The following S100A14 variants were observed in gnomAD, a reference collection of about 807,000 sequenced individuals.
S100A14 encodes the protein protein S100-A14.
S100A14 carries 6 observed loss-of-function variants against 10.6 expected under a neutral mutation model. That is an observed-to-expected ratio of 0.57 (90% CI 0.31 to 1.12). The LOEUF (loss-of-function observed/expected upper bound fraction) is 1.12. S100A14 is among the 50% of genes most tolerant of loss of function. The pLI, the probability that S100A14 is intolerant of heterozygous loss-of-function variation, is 0.06. For missense variants in S100A14, 121 were observed against 128.7 expected, an observed-to-expected ratio of 0.94 and a Z score of 0.29; for synonymous variants, 51 against 51.0, an observed-to-expected ratio of 1.00 and a Z score of 0.00.
Position 153,615,951 on chromosome 1 carries a change from GGGT to G in S100A14, c.-78-18_-78-16del. ...TGGCTCATGATCTGCTTAGAGGAGG[GGGT>G]AGGCCTGAGCTGAGGAGAGAGTCTA... is the stretch of plus-strand genomic sequence containing the variant. On this transcript the variant is annotated splice_polypyrimidine_tract_variant and intron_variant, in intron 1 of 3. Coordinates refer to ENST00000344616, the MANE Select transcript of S100A14 (RefSeq NM_020672.3). 1 of 1,276,636 alleles carries G rather than the reference GGGT, an allele frequency of 7.8e-7. No homozygotes were observed. Among genetic ancestry groups the G allele is most frequent in the South Asian group, 1.2e-5 (1 of 83,422 alleles). The allele number at this position is 1,276,636 out of a possible 1,614,324, so 79.1% of individuals were successfully genotyped here.
chr1:153,615,303 C>T lies in S100A14; in HGVS notation c.109G>A (p.Gly37Arg). 1 of 1,613,986 alleles carries T rather than the reference C, an allele frequency of 6.2e-7. No individual in the cohort carries two copies. The highest frequency in any genetic ancestry group is 8.5e-7 in the Non-Finnish European group (1 of 1,179,978). ...TCAGAAGGGGTCAGCGTCTCCTTCCCACCCTCCACGGAGTACTGGTGAAAG... is the reference window on the plus strand; with the variant it reads ...TCAGAAGGGGTCAGCGTCTCCTTCCTACCCTCCACGGAGTACTGGTGAAAG... ...KNFHQYSVEGGKETLTPSELR... is the reference protein window; with the variant it reads ...KNFHQYSVEGRKETLTPSELR... The change falls in exon 3 of 4, where the codon GGG (glycine) becomes AGG (arginine). Residue 37 changes from glycine (G) to arginine (R), a missense_variant. By Grantham distance (125) the Gly-to-Arg change is moderately radical. Coordinates refer to ENST00000344616, the MANE Select transcript of S100A14 (RefSeq NM_020672.3).
In S100A14 at chr1:153,615,352, C is replaced by T. The variant is rs1480439934; in HGVS notation, c.60G>A (p.Arg20=). Residue 20 remains arginine (R), a synonymous_variant, in exon 3 of 4, where the codon AGG becomes AGA. Transcript: ENST00000344616. ...EDAQEFSDVE[R]AIETLIKNFH... ...AGTTCTTGATGAGGGTCTCAATGGC[C>T]CTCTCCACATCACTGAATTCCTGAG... The T allele has an allele frequency of 1.9e-6, 3 of 1,613,816 alleles. No homozygotes were observed. The highest frequency in any genetic ancestry group is 2.5e-6 in the Non-Finnish European group (3 of 1,179,946).
In S100A14 at chr1:153,614,908, C is replaced by G; in HGVS notation, c.292G>C (p.Glu98Gln). 6.2e-7 allele frequency: 1 copy of G among 1,613,946 alleles called. No homozygotes were observed. Among genetic ancestry groups the G allele is most frequent in the Non-Finnish European group, 8.5e-7 (1 of 1,179,962 alleles). ...IGEAAKSVKL[E>Q]RPVRGH ...TCTCAGTGCCCCCGGACAGGCCTCTCCAGCTTCACACTCTTGGCCGCTTCT... is the reference window on the plus strand; with the variant it reads ...TCTCAGTGCCCCCGGACAGGCCTCTGCAGCTTCACACTCTTGGCCGCTTCT... Residue 98 changes from glutamate to glutamine, a missense_variant, in exon 4 of 4, where the codon GAG becomes CAG. Glu to Gln is a conservative substitution (Grantham distance 29). Coordinates refer to ENST00000344616, the MANE Select transcript of S100A14 (RefSeq NM_020672.3).
intron 1 of S100A14, 134 bp from the exon 2 acceptor site, chr1:153,616,070 C>G: frequency 2.0e-6 from 1 of 509,964 alleles, no homozygotes; most frequent in South Asian, 2.9e-5. Context: ...AGGCCCAGGC[C>G]CCGCCTGGGC....
Position 153,615,339 on chromosome 1 carries a change from G to A in S100A14, c.73C>T (p.Leu25Phe), listed in dbSNP as rs1666939460. 12 of 1,613,900 alleles carry A rather than the reference G, an allele frequency of 7.4e-6. No homozygotes were observed. Among genetic ancestry groups the A allele is most frequent in the Non-Finnish European group, 1.0e-5 (12 of 1,179,964 alleles). Residue 25 changes from leucine to phenylalanine, a missense_variant, in exon 3 of 4, where the codon CTC (leucine) becomes TTC (phenylalanine). Leu to Phe is a conservative substitution (Grantham distance 22). Transcript: ENST00000344616. Reference protein sequence around the residue: ...FSDVERAIETLIKNFHQYSVE... With the variant: ...FSDVERAIETFIKNFHQYSVE... ...GAGTACTGGTGAAAGTTCTTGATGA[G>A]GGTCTCAATGGCCCTCTCCACATCA...
rs115973630 is a variant in S100A14 at position 153,615,128 on chromosome 1, G to C, written c.178-106C>G. The stretch of plus-strand genomic sequence containing the variant: ...CAGGAGCAGAGGCTACCTAGCACTG[G>C]CAAGGGGGAAGAGCTGGGGGTTGCA... On this transcript the variant is annotated intron_variant, in intron 3 of 3. Transcript: ENST00000344616. 336 of 1,583,222 alleles carry C rather than the reference G, an allele frequency of 2.1e-4. 2 individuals carry two copies. In the African/African-American group the frequency reaches 3.9e-3, roughly 19 times the overall value.
Position 153,615,889 on chromosome 1 carries a change from A to G in S100A14, c.-31T>C, listed in dbSNP as rs1046742010. 8 of 1,612,902 alleles carry G rather than the reference A, an allele frequency of 5.0e-6. No homozygotes were observed. In the Admixed American group the frequency reaches 1.3e-4, roughly 27 times the overall value. ...CCACTGTGTCTGGTCCTTTGGTGAGAGTTCTGTTGTCCTATAGCTGGCCCC... is the reference window on the plus strand; with the variant it reads ...CCACTGTGTCTGGTCCTTTGGTGAGGGTTCTGTTGTCCTATAGCTGGCCCC... On this transcript the variant is annotated 5_prime_UTR_variant, in exon 2 of 4. Coordinates refer to ENST00000344616, the MANE Select transcript of S100A14 (RefSeq NM_020672.3).
intron 1 of S100A14, 61 bp from the exon 2 acceptor site, chr1:153,615,997 G>A: frequency 2.6e-6 from 2 of 772,522 alleles, no homozygotes; most frequent in Non-Finnish European, 2.2e-6. Flanking sequence ...TTTCTCAGCT[G>A]CCCCCTTTGG....
At position 153,614,406 on chromosome 1, in the gene S100A14, C is replaced by T. The variant is rs1428999767; in HGVS notation, c.*479G>A. 6.4e-6 allele frequency: 1 copy of T among 155,828 alleles called. No homozygotes were observed. The highest frequency in any genetic ancestry group is 2.4e-5 in the African/African-American group (1 of 41,464). 9.7% of individuals were successfully genotyped at this position (155,828 alleles called of 1,614,324 possible). ...GCTCTCCCTCCTCCCCTGCCCTAGC[C>T]CAGGGACAGAGTCTAGGAGGAGCCT... On this transcript the variant is annotated 3_prime_UTR_variant, in exon 4 of 4. Coordinates refer to ENST00000344616, the MANE Select transcript of S100A14 (RefSeq NM_020672.3).
chr1:153,616,202 A>C, intron 1 of S100A14, 93 bp downstream of exon 1: 1 of 252,404 alleles, frequency 4.0e-6, no homozygotes, highest in South Asian at 7.8e-5. Context: ...CACACACACC[A>C]ACCTCCAGGA....
Position 153,614,891 on chromosome 1 carries a change from C to A in S100A14, c.309G>T (p.Gly103=), listed in dbSNP as rs375997647. 6 of 1,613,192 alleles carry A rather than the reference C, an allele frequency of 3.7e-6. No individual in the cohort carries two copies. The highest frequency in any genetic ancestry group is 2.7e-5 in the African/African-American group (2 of 74,860). ...AGAATTCCAGAGGGAGTTCTCAGTGCCCCCGGACAGGCCTCTCCAGCTTCA... is the reference window on the plus strand; with the variant it reads ...AGAATTCCAGAGGGAGTTCTCAGTGACCCCGGACAGGCCTCTCCAGCTTCA... ...KSVKLERPVR[G]H is the part of the protein sequence containing the mutation. Residue 103 remains glycine (G), a synonymous_variant, in exon 4 of 4, where the codon GGG becomes GGT. Coordinates refer to ENST00000344616, the MANE Select transcript of S100A14 (RefSeq NM_020672.3).
rs1160772459 is a variant in S100A14 at position 153,614,302 on chromosome 1, C to G, written c.*583G>C. 2 of 152,228 alleles carry G rather than the reference C, an allele frequency of 1.3e-5. No individual in the cohort carries two copies. Among genetic ancestry groups the G allele is most frequent in the African/African-American group, 2.4e-5 (1 of 41,386 alleles). 9.4% of individuals were successfully genotyped at this position (152,228 alleles called of 1,614,324 possible). A position where few individuals can be genotyped will look rare whatever the true frequency, so the allele number is the denominator to read the frequency against. The stretch of plus-strand genomic sequence containing the variant: ...TATTAATCAAATGATACAAAACAAC[C>G]ATCATTCTGTCAATGCCCAAGCACC... On this transcript the variant is annotated 3_prime_UTR_variant, in exon 4 of 4. Coordinates refer to ENST00000344616, the MANE Select transcript of S100A14 (RefSeq NM_020672.3).
intron 2 of S100A14, 53 bp downstream of exon 2, chr1:153,615,776 A>C: frequency 1.9e-5 from 30 of 1,595,368 alleles, no homozygotes; most frequent in Non-Finnish European, 2.5e-5. Flanking sequence ...ATAGACCCTC[A>C]GGGTGAAGGA....
At position 153,615,028 on chromosome 1, in the gene S100A14, G is replaced by C. The variant is rs1488063195; in HGVS notation, c.178-6C>G. ...TCTTCCAGGCCACAGTTGCTCTGAG[G>C]GGAGTGAAGAAACCATGGCTCAGGG... On this transcript the variant is annotated splice_region_variant and splice_polypyrimidine_tract_variant and intron_variant, in intron 3 of 3. Transcript: ENST00000344616. The C allele has an allele frequency of 2.5e-6, 4 of 1,613,318 alleles. No homozygotes were observed. Among genetic ancestry groups the C allele is most frequent in the Non-Finnish European group, 3.4e-6 (4 of 1,179,654 alleles).
At chr1:153,615,531 C>T (rs1557916875) in intron 2 of S100A14, 150 bp from the exon 3 acceptor site, 1 of 969,228 alleles carries the variant, frequency 1.0e-6, no homozygotes. Flanking sequence ...TAGCCCCTCT[C>T]CCCCACCCCC....
chr1:153,615,319 CTGG>C lies in S100A14; in HGVS notation c.90_92del (p.His30del), dbSNP rs547257637. On this transcript the variant is annotated inframe_deletion, in exon 3 of 4. Transcript: ENST00000344616. ...TCTCCTTCCCACCCTCCACGGAGTA[CTGG>C]TGAAAGTTCTTGATGAGGGTCTCAA... 1.6e-4 allele frequency: 255 copies of C among 1,614,002 alleles called. 3 individuals are homozygous for C. In the East Asian group the frequency reaches 5.0e-3, roughly 32 times the overall value.
intron 3 of S100A14, 73 bp downstream of exon 3, chr1:153,615,162 T>G (rs1471558279): frequency 1.3e-6 from 2 of 1,593,926 alleles, no homozygotes; most frequent in Non-Finnish European, 1.7e-6. Context: ...CAAGTGCCAG[T>G]GTGGGTGGGG....
rs1424530504 is a variant in S100A14, at chr1:153,614,668, C to T, written c.*217G>A. 1.1e-5 allele frequency: 6 copies of T among 522,916 alleles called. No individual in the cohort carries two copies. The highest frequency in any genetic ancestry group is 3.8e-5 in the African/African-American group (2 of 52,638). 32.4% of individuals were successfully genotyped at this position (522,916 alleles called of 1,614,324 possible). The stretch of plus-strand genomic sequence containing the variant: ...CCTCAAATATTCATCCCTGGCCCAA[C>T]CAGTCCCCTGAGCCTCCCTCTGGTG... On this transcript the variant is annotated 3_prime_UTR_variant, in exon 4 of 4. Transcript: ENST00000344616.
rs1037832580 is a variant in S100A14 at position 153,614,719 on chromosome 1, C to T, written c.*166G>A. Reference sequence around the variant, plus strand: ...GAGACTCCTCCACCCATGAGCTCCCCAGAGCATCCAAGACAGAGTGCACAG... The same window carrying T: ...GAGACTCCTCCACCCATGAGCTCCCTAGAGCATCCAAGACAGAGTGCACAG... On this transcript the variant is annotated 3_prime_UTR_variant, in exon 4 of 4. Coordinates refer to ENST00000344616, the MANE Select transcript of S100A14 (RefSeq NM_020672.3). The T allele has an allele frequency of 1.2e-6, 1 of 821,314 alleles. No homozygotes were observed. Among genetic ancestry groups the T allele is most frequent in the Non-Finnish European group, 1.8e-6 (1 of 544,304 alleles). The allele number at this position is 821,314 out of a possible 1,614,324, so 50.9% of individuals were successfully genotyped here. A position where few individuals can be genotyped will look rare whatever the true frequency, so the allele number is the denominator to read the frequency against.
Sources: allele counts gnomAD v4.1 joint callset, GRCh38; gene constraint gnomAD v4.1.1; transcripts MANE v1.5; gene names NCBI Gene and HGNC (gene_info 2026-07-23, HGNC 2026-07-21).